The following FMN2 variants were observed in gnomAD, a reference collection of about 807,000 sequenced individuals.
The protein encoded by FMN2 is formin-2.
In FMN2, 51 loss-of-function variants were observed where a neutral mutation model predicts 142.3. The observed-to-expected ratio is 0.36, with a 90% CI of 0.29 to 0.45. The LOEUF (loss-of-function observed/expected upper bound fraction) is 0.45. FMN2 is among the 20% of genes least tolerant of loss of function. The probability of loss-of-function intolerance (pLI) is 1.00; values close to 1 mark genes in which losing one functional copy is unlikely to be tolerated. For synonymous variants in FMN2, 882 were observed against 869.8 expected (o/e 1.01, Z -0.25); for missense variants, 1,936 against 2,122.8 (o/e 0.91, Z 1.73).
At chr1:240,472,045 G>C (rs1192213597) in intron 16 of FMN2, 1 of 203,818 alleles carries the variant, frequency 4.9e-6, no homozygotes, top group African/African-American at 2.4e-5. Context: ...GACAATGAGG[G>C]GTATTTCATT....
At chr1:240,429,703 A>AT (rs1166263914) in intron 15 of FMN2, among the ~76,000 whole-genome samples, 1 of 151,826 alleles carries the variant, frequency 6.6e-6, no homozygotes, top group African/African-American at 2.4e-5. Context: ...TTTGTCACTT[A>AT]TTTTTTTAGA....
At chr1:240,256,699 C>T (rs184542887) in intron 6 of FMN2, among the ~76,000 whole-genome samples, 2 of 152,120 alleles carry the variant, frequency 1.3e-5, no homozygotes, top group Admixed American at 6.5e-5. Context: ...TGCAGTGAGC[C>T]GAGATCGTGC....
intron 2 of FMN2, among the ~76,000 whole-genome samples, chr1:240,163,037 A>G (rs1372891721): frequency 6.6e-6 from 1 of 152,134 alleles, no homozygotes; most frequent in Non-Finnish European, 1.5e-5. Context: ...TGATTTCCAA[A>G]CATGGAGACT....
intron 1 of FMN2, among the ~76,000 whole-genome samples, chr1:240,122,287 G>T (rs1419472299): frequency 6.7e-6 from 1 of 148,940 alleles, no homozygotes; most frequent in Non-Finnish European, 1.5e-5. Context: ...ATTTGAGATG[G>T]AGTTTCGCTC....
chr1:240,125,435 G>A (rs1662455627), intron 2 of FMN2, among the ~76,000 whole-genome samples: 2 of 152,264 alleles, frequency 1.3e-5, no homozygotes, highest in South Asian at 2.1e-4. Flanking sequence ...CCCTTCTCTT[G>A]TATGACAGGT....
chr1:240,158,712 G>A (rs1664137364), intron 2 of FMN2, among the ~76,000 whole-genome samples: 2 of 151,912 alleles, frequency 1.3e-5, no homozygotes, highest in African/African-American at 4.8e-5. Flanking sequence ...ATTTTGTGTC[G>A]AACTGATTAA....
At chr1:240,463,357 A>C (rs1676509625) in intron 16 of FMN2, among the ~76,000 whole-genome samples, 1 of 152,206 alleles carries the variant, frequency 6.6e-6, no homozygotes, top group African/African-American at 2.4e-5. Context: ...GAAAAGATTC[A>C]GAGGTTTATC....
rs1291264097 is a variant in FMN2 at position 240,092,345 on chromosome 1, G to T, written c.236G>T (p.Arg79Leu). Residue 79 changes from arginine to leucine, a missense_variant, in exon 1 of 18, where the codon CGG (arginine) becomes CTG (leucine). Physicochemically the swap from Arg to Leu is moderately radical, Grantham distance 102. Coordinates refer to ENST00000319653, the MANE Select transcript of FMN2 (RefSeq NM_020066.5). Reference protein sequence around the residue: ...DSRASVFSNLRIRKNLSKGKG... With the variant: ...DSRASVFSNLLIRKNLSKGKG... ...AGAGCCTCGGTGTTTTCCAACCTGCGGATCAGGAAGAATCTGTCCAAGGGG... is the reference window on the plus strand; with the variant it reads ...AGAGCCTCGGTGTTTTCCAACCTGCTGATCAGGAAGAATCTGTCCAAGGGG... The T allele has an allele frequency of 6.2e-7, 1 of 1,608,954 alleles. No homozygotes were observed.
chr1:240,417,270 G>C (rs1009174288), intron 15 of FMN2, among the ~76,000 whole-genome samples: 1 of 151,112 alleles, frequency 6.6e-6, no homozygotes, highest in African/African-American at 2.4e-5. Flanking sequence ...ACATCTCTGA[G>C]ACTGGGGTAC....
intron 14 of FMN2, among the ~76,000 whole-genome samples, chr1:240,388,995 G>C (rs1158320572): frequency 1.3e-5 from 2 of 151,888 alleles, no homozygotes; most frequent in East Asian, 3.9e-4. Flanking sequence ...TGCTGCTTTT[G>C]CTACCCTATA....
chr1:240,228,330 AAAG>A (rs1369643263), intron 6 of FMN2, among the ~76,000 whole-genome samples: 25 of 67,430 alleles, frequency 3.7e-4, no homozygotes, highest in South Asian at 1.0e-3. Context: ...AAAAAAAAAA[AAAG>A]AAAAAGAAAA....
rs760802198 is a variant in FMN2, at chr1:240,093,309, C to T, written c.1200C>T (p.Ser400=). 4.5e-5 allele frequency: 72 copies of T among 1,609,846 alleles called. No individual in the cohort carries two copies. The highest frequency in any genetic ancestry group is 5.9e-5 in the Non-Finnish European group (70 of 1,178,420). The change falls in exon 1 of 18, where the codon AGC becomes AGT. Residue 400 remains serine (S), a synonymous_variant. Coordinates refer to ENST00000319653, the MANE Select transcript of FMN2 (RefSeq NM_020066.5). ...DAPAAASLPG[S]PAPSQRCFKP... ...CCGCGGCCGCTTCCCTGCCCGGCAG[C>T]CCCGCGCCTAGCCAGCGCTGTTTCA...
chr1:240,458,186 G>GT (rs1308701551), intron 16 of FMN2: 3 of 152,184 alleles, frequency 2.0e-5, no homozygotes, highest in Non-Finnish European at 4.4e-5. Flanking sequence ...GATAAACAGC[G>GT]TATGTGTCAC....
intron 7 of FMN2, chr1:240,285,282 G>T (rs573473219): frequency 2.2e-6 from 1 of 455,270 alleles, no homozygotes; most frequent in East Asian, 7.0e-5. Flanking sequence ...GTGAGGGGAA[G>T]GGAGGAATTA....
At chr1:240,410,658 A>G (rs1674359426) in intron 15 of FMN2, among the ~76,000 whole-genome samples, 1 of 152,248 alleles carries the variant, frequency 6.6e-6, no homozygotes, top group African/African-American at 2.4e-5. Flanking sequence ...TGTCAGCATC[A>G]TAGCCACAGA....
At position 240,474,874 on chromosome 1, in the gene FMN2, A is replaced by G. The variant is rs529838185; in HGVS notation, c.*720A>G. The G allele has an allele frequency of 6.5e-5, 10 of 152,744 alleles. No homozygotes were observed. In the South Asian group the frequency reaches 2.1e-3, roughly 32 times the overall value. 9.5% of individuals were successfully genotyped at this position (152,744 alleles called of 1,614,324 possible). The stretch of plus-strand genomic sequence containing the variant: ...AATTTATTGCTCTTGCAAACCAATT[A>G]TGGAAAGCAACTTAAGAAAACCAAT... On this transcript the variant is annotated 3_prime_UTR_variant, in exon 18 of 18. Coordinates refer to ENST00000319653, the MANE Select transcript of FMN2 (RefSeq NM_020066.5).
At chr1:240,445,701 G>GTTT (rs1675780991) in intron 16 of FMN2, among the ~76,000 whole-genome samples, 1 of 69,882 alleles carries the variant, frequency 1.4e-5, no homozygotes, top group African/African-American at 5.1e-5. Context: ...GCCATCAAAG[G>GTTT]GTTTTTTTTT....
chr1:240,172,429 T>C (rs1277707486), intron 2 of FMN2, among the ~76,000 whole-genome samples: 2 of 152,220 alleles, frequency 1.3e-5, no homozygotes, highest in Non-Finnish European at 2.9e-5. Flanking sequence ...AAAGGATTTT[T>C]TTAAAGAAAT....
At chr1:240,309,090 A>G (rs1458403668) in intron 8 of FMN2, among the ~76,000 whole-genome samples, 1 of 152,186 alleles carries the variant, frequency 6.6e-6, no homozygotes, top group Non-Finnish European at 1.5e-5. Flanking sequence ...ACAGACTAAT[A>G]TAAGCAGAAG....
Sources: gnomAD v4.1 joint callset for allele counts (sites outside exome capture counted in the v4.1 genomes callset) on GRCh38, gnomAD v4.1.1 for gene constraint, MANE v1.5 for transcripts, NCBI Gene and HGNC (gene_info 2026-07-23, HGNC 2026-07-21) for gene names.